Variants in RPAP1 observed in about 807,000 individuals in gnomAD.
RPAP1 encodes the protein RNA polymerase II associated protein 1.
A neutral mutation model predicts 142.4 loss-of-function variants in RPAP1; 109 were observed. The observed-to-expected ratio is 0.77, with a 90% CI of 0.66 to 0.90. The LOEUF (loss-of-function observed/expected upper bound fraction) is 0.90. Among genes scored for constraint, RPAP1 ranks in the 40% least tolerant of loss-of-function variants. The pLI is 0.00. For missense variants in RPAP1, 1,546 were observed against 1,751.7 expected, an observed-to-expected ratio of 0.88 and a Z score of 2.10; for synonymous variants, 704 against 738.9, an observed-to-expected ratio of 0.95 and a Z score of 0.77.
chr15:41,517,872 G>T lies in RPAP1; in HGVS notation c.3973-15C>A. On this transcript the variant is annotated splice_polypyrimidine_tract_variant and intron_variant, in intron 23 of 24. Transcript: ENST00000304330. ...TTGACCTCATCCTAGAAGCAGAACAGGGAGAGGTGGCACTGAGCCGAGGGC... is the reference window on the plus strand; with the variant it reads ...TTGACCTCATCCTAGAAGCAGAACATGGAGAGGTGGCACTGAGCCGAGGGC... 6.2e-7 allele frequency: 1 copy of T among 1,614,154 alleles called. No homozygotes were observed. The highest frequency in any genetic ancestry group is 1.1e-5 in the South Asian group (1 of 91,070).
chr15:41,527,150 G>C lies in RPAP1; in HGVS notation c.1746+17C>G. The C allele has an allele frequency of 6.2e-7, 1 of 1,614,084 alleles. No homozygotes were observed. The highest frequency in any genetic ancestry group is 8.5e-7 in the Non-Finnish European group (1 of 1,179,956). On this transcript the variant is annotated intron_variant, in intron 13 of 24. Coordinates refer to ENST00000304330, the MANE Select transcript of RPAP1 (RefSeq NM_015540.4). ...CAGCTAGGCTTTTTGCCCATTCCCT[G>C]CTCCCTTTTTTCTCACCCTTGTGGC... is the stretch of plus-strand genomic sequence containing the variant.
chr15:41,523,623 G>T, intron 17 of RPAP1, 148 bp downstream of exon 17: 1 of 804,024 alleles, frequency 1.2e-6, no homozygotes, highest in Non-Finnish European at 2.0e-6. Flanking sequence ...TATGGAGGTA[G>T]AAAGAGGAGG....
intron 6 of RPAP1, among the ~76,000 whole-genome samples, chr15:41,532,894 G>A (rs28406095): frequency 0.54 from 80,284 of 149,382 alleles, 22,059 homozygotes; most frequent in African/African-American, 0.67. Flanking sequence ...CAGGAAAATC[G>A]CTTGAACTAG....
rs757511441 is a variant in RPAP1, at chr15:41,529,984, G to A, written c.944-5C>T. The stretch of plus-strand genomic sequence containing the variant: ...GGGTCACGGGCAATGCCAGAGCTGG[G>A]GAGACAAAGCATGATAGTATTACCC... On this transcript the variant is annotated splice_polypyrimidine_tract_variant and splice_region_variant and intron_variant, in intron 7 of 24. Transcript: ENST00000304330. 1 of 1,612,510 alleles carries A rather than the reference G, an allele frequency of 6.2e-7. No individual in the cohort carries two copies. Among genetic ancestry groups the A allele is most frequent in the Non-Finnish European group, 8.5e-7 (1 of 1,178,680 alleles).
At chr15:41,522,551 T>C (rs1595481125) in intron 19 of RPAP1, 2 of 562,018 alleles carry the variant, frequency 3.6e-6, no homozygotes, top group Admixed American at 3.4e-5. Context: ...CCATCATGCC[T>C]GGCTAATTTT....
rs572013739 is a variant in RPAP1 at position 41,535,637 on chromosome 15, G to A, written c.421-5C>T. ...ACCAGATGTTGCTGATTTCCCCTGT[G>A]GGGCAAAAAGAAAACCCAGGTTACT... On this transcript the variant is annotated splice_polypyrimidine_tract_variant and splice_region_variant and intron_variant, in intron 4 of 24. Transcript: ENST00000304330. 29 of 1,607,940 alleles carry A rather than the reference G, an allele frequency of 1.8e-5. No individual in the cohort carries two copies. In the South Asian group the frequency reaches 3.2e-4, roughly 18 times the overall value.
chr15:41,536,366 G>T, intron 3 of RPAP1, 135 bp downstream of exon 3: 2 of 1,363,036 alleles, frequency 1.5e-6, no homozygotes, highest in Non-Finnish European at 2.1e-6. Context: ...TTCTAACCCA[G>T]CCCCCAACCT....
chr15:41,526,844 C>T, intron 14 of RPAP1, 54 bp downstream of exon 14: 1 of 1,517,392 alleles, frequency 6.6e-7, no homozygotes, highest in Non-Finnish European at 8.9e-7. Context: ...GTTTAGCTCC[C>T]AACCCAACCC....
rs1430130013 is a variant in RPAP1 at position 41,522,850 on chromosome 15, C to A, written c.2657G>T (p.Gly886Val). ...GAGGAATGGGAAGGGTGAGGCTGAG[C>A]CAGCCAGACTGAGACGGGGGCAGCC... ...SGGCPRLSLA[G>V]SASPFPFLTA... Residue 886 changes from glycine to valine, a missense_variant, in exon 19 of 25, where the codon GGC becomes GTC. By Grantham distance (109) the Gly-to-Val change is moderately radical. Coordinates refer to ENST00000304330, the MANE Select transcript of RPAP1 (RefSeq NM_015540.4). 1 of 1,582,634 alleles carries A rather than the reference C, an allele frequency of 6.3e-7. No individual in the cohort carries two copies. The highest frequency in any genetic ancestry group is 8.5e-7 in the Non-Finnish European group (1 of 1,170,126).
chr15:41,521,979 C>G (rs2140759859), intron 20 of RPAP1, 99 bp from the exon 21 acceptor site: 1 of 1,558,656 alleles, frequency 6.4e-7, no homozygotes, highest in Non-Finnish European at 8.8e-7. Flanking sequence ...GGGCAGAGGT[C>G]CAGGGCATGT....
chr15:41,536,582 G>A lies in RPAP1; in HGVS notation c.249C>T (p.His83=), dbSNP rs2051911021. ...PPKRARPSPG[H]CLPEDEDPEE... ...CTGGGTCCTCATCCTCAGGCAGGCA[G>A]TGGCCAGGGCTGGGCCTGGCTCTCT... Residue 83 remains histidine, a synonymous_variant, in exon 3 of 25, where the codon CAC becomes CAT. Coordinates refer to ENST00000304330, the MANE Select transcript of RPAP1 (RefSeq NM_015540.4). 1.9e-6 allele frequency: 3 copies of A among 1,614,066 alleles called. No individual in the cohort carries two copies. The highest frequency in any genetic ancestry group is 1.6e-4 in the Middle Eastern group (1 of 6,084).
chr15:41,524,960 T>C (rs1375480368), intron 15 of RPAP1, 31 bp downstream of exon 15: 1 of 1,606,784 alleles, frequency 6.2e-7, no homozygotes, highest in Admixed American at 1.7e-5. Flanking sequence ...TGAAGGTGTC[T>C]AGGGGGAGCC....
At position 41,522,764 on chromosome 15, in the gene RPAP1, C is replaced by G; in HGVS notation, c.2742+1G>C. The G allele has an allele frequency of 7.5e-7, 1 of 1,335,726 alleles. No individual in the cohort carries two copies. The highest frequency in any genetic ancestry group is 1.3e-5 in the South Asian group (1 of 75,738). 82.7% of individuals were successfully genotyped at this position (1,335,726 alleles called of 1,614,324 possible). On this transcript the variant is annotated splice_donor_variant, in intron 19 of 24. Coordinates refer to ENST00000304330, the MANE Select transcript of RPAP1 (RefSeq NM_015540.4). LOFTEE classifies it high-confidence loss of function. ...CCCCTAATCAGGCACCCCACACTTA[C>G]CTGGCCACACAGCCCCTTGTGGATC...
At chr15:41,530,972 C>A (rs1035097518) in intron 7 of RPAP1, 51 bp downstream of exon 7, 1 of 1,546,388 alleles carries the variant, frequency 6.5e-7, no homozygotes, top group South Asian at 1.2e-5. Context: ...GGAAAAGGGA[C>A]AATTTCCCCT....
rs1309147821 is a variant in RPAP1, at chr15:41,537,005, C to A, written c.121G>T (p.Gly41Cys). 4 of 1,614,142 alleles carry A rather than the reference C, an allele frequency of 2.5e-6. No individual in the cohort carries two copies. In the South Asian group the frequency reaches 4.4e-5, roughly 18 times the overall value. ...QLVKKGNRGGGDANSDRPPLQ... is the reference protein window; with the variant it reads ...QLVKKGNRGGCDANSDRPPLQ... ...GGAGGCCGGTCTGAGTTGGCATCAC[C>A]ACCGCCCCTATTTCCTTTCTTCACC... is the stretch of plus-strand genomic sequence containing the variant. Residue 41 changes from glycine (G) to cysteine (C), a missense_variant, in exon 2 of 25, where the codon GGT becomes TGT. Physicochemically the swap from Gly to Cys is radical, Grantham distance 159. This residue lies in a region of RPAP1 where 1,333 missense variants were observed against 1,486.6 expected (regional missense o/e 0.90). Coordinates refer to ENST00000304330, the MANE Select transcript of RPAP1 (RefSeq NM_015540.4).
At chr15:41,542,757 TAAG>T (rs1242715334) in intron 1 of RPAP1, among the ~76,000 whole-genome samples, 2 of 152,190 alleles carry the variant, frequency 1.3e-5, no homozygotes, top group Non-Finnish European at 2.9e-5. Flanking sequence ...TATATATATG[TAAG>T]AAGATTAGAA....
chr15:41,532,178 C>T (rs1179058909), intron 6 of RPAP1, among the ~76,000 whole-genome samples: 2 of 152,074 alleles, frequency 1.3e-5, no homozygotes, highest in Admixed American at 6.6e-5. Context: ...TGTGCCACCA[C>T]GCCCAGCTAA....
At chr15:41,531,627 A>T (rs1211027850) in intron 6 of RPAP1, among the ~76,000 whole-genome samples, 382 of 21,892 alleles carry the variant, frequency 0.017, 20 homozygotes, top group African/African-American at 0.025. Context: ...ATATATATAT[A>T]TTTTTTTTTT....
intron 22 of RPAP1, chr15:41,519,840 CTCT>C (rs1448163345): frequency 1.3e-5 from 2 of 155,992 alleles, no homozygotes; most frequent in East Asian, 1.9e-4. Context: ...TTCAGTAAAT[CTCT>C]TCTTATCTAG....
Sources: allele counts gnomAD v4.1 joint callset (sites outside exome capture counted in the v4.1 genomes callset), GRCh38; gene constraint gnomAD v4.1.1; regional missense constraint gnomAD v4.1.1; transcripts MANE v1.5; gene names NCBI Gene and HGNC (gene_info 2026-07-23, HGNC 2026-07-21).